Variants in PCDHA10 observed in about 807,000 individuals in gnomAD.
The protein encoded by PCDHA10 is protocadherin alpha 10, also known as protocadherin alpha-10.
A neutral mutation model predicts 61.2 loss-of-function variants in PCDHA10; 45 were observed. That is an observed-to-expected ratio of 0.74 (90% CI 0.58 to 0.94). The LOEUF is 0.94. PCDHA10 is among the 40% of genes least tolerant of loss of function. The probability of loss-of-function intolerance (pLI) is 0.00; values close to 1 mark genes in which losing one functional copy is unlikely to be tolerated. For synonymous variants in PCDHA10, 602 were observed against 548.8 expected (o/e 1.10, Z -1.35); for missense variants, 1,278 against 1,236.2 (o/e 1.03, Z -0.51).
At chr5:140,883,675 G>T (rs782140381) in intron 1 of PCDHA10, 5 of 1,613,894 alleles carry the variant, frequency 3.1e-6, no homozygotes, top group Non-Finnish European at 4.2e-6. Context: ...AAAACAATCC[G>T]CCGGGCTGCC....
chr5:140,867,119 A>C (rs2049767402), intron 1 of PCDHA10: 1 of 152,142 alleles, frequency 6.6e-6, no homozygotes, highest in Admixed American at 6.5e-5. Context: ...ATATTGTTTT[A>C]ATTCAAATAT....
At chr5:140,887,101 CTT>C (rs200717289) in intron 1 of PCDHA10, among the ~76,000 whole-genome samples, 4 of 145,262 alleles carry the variant, frequency 2.8e-5, no homozygotes, top group African/African-American at 5.0e-5. Flanking sequence ...ATCTTTATCT[CTT>C]TTTTTTTTTT....
intron 1 of PCDHA10, chr5:140,927,529 C>A: frequency 6.2e-7 from 1 of 1,614,098 alleles, no homozygotes; most frequent in South Asian, 1.1e-5. Flanking sequence ...GCTACCTGCC[C>A]GCTCAGGAGA....
chr5:140,927,802 A>G (rs782489417), intron 1 of PCDHA10: 1 of 1,614,030 alleles, frequency 6.2e-7, no homozygotes, highest in African/African-American at 1.3e-5. Flanking sequence ...TCCGCCTGAA[A>G]CGCTCTTGGA....
intron 1 of PCDHA10, among the ~76,000 whole-genome samples, chr5:140,947,805 G>T (rs1474604810): frequency 6.6e-6 from 1 of 151,504 alleles, no homozygotes; most frequent in Non-Finnish European, 1.5e-5. Flanking sequence ...TTAATTTGCA[G>T]AGACTATTTC....
intron 1 of PCDHA10, chr5:140,871,461 A>C: frequency 1.2e-6 from 2 of 1,605,278 alleles, no homozygotes; most frequent in South Asian, 2.2e-5. Flanking sequence ...AGGAAGGGGA[A>C]AGACAGGAGC....
chr5:140,870,198 C>A, intron 1 of PCDHA10: 2 of 1,614,172 alleles, frequency 1.2e-6, no homozygotes, highest in Non-Finnish European at 1.7e-6. Flanking sequence ...CTCAGCCCAG[C>A]ACGGTCATTG....
intron 3 of PCDHA10, among the ~76,000 whole-genome samples, chr5:140,987,604 T>G (rs2097261353): frequency 6.6e-6 from 1 of 152,222 alleles, no homozygotes; most frequent in Admixed American, 6.5e-5. Context: ...GTCTACCTTA[T>G]AGGGTTCTTG....
intron 3 of PCDHA10, among the ~76,000 whole-genome samples, chr5:141,000,385 CTCTCTCTCTCTATATA>C (rs1454405199): frequency 1.1e-4 from 7 of 64,984 alleles, no homozygotes; most frequent in African/African-American, 4.8e-4. Flanking sequence ...CTCTCTCTCT[CTCTCTCTCTCTATATA>C]TATATATATA....
At chr5:140,980,684 G>GA (rs782726576) in intron 2 of PCDHA10, among the ~76,000 whole-genome samples, 3,276 of 145,132 alleles carry the variant, frequency 0.023, 40 homozygotes, top group Middle Eastern at 0.066. Flanking sequence ...TTTTCAAATT[G>GA]AAAAAAAAAA....
rs370105926 is a variant in PCDHA10, at chr5:140,856,826, G to A, written c.778G>A (p.Val260Ile). 3.8e-6 allele frequency: 6 copies of A among 1,592,454 alleles called. No homozygotes were observed. Among genetic ancestry groups the A allele is most frequent in the Non-Finnish European group, 4.3e-6 (5 of 1,162,716 alleles). The change falls in exon 1 of 4, where the codon GTA (valine) becomes ATA (isoleucine). Residue 260 changes from valine (V) to isoleucine (I), a missense_variant. Physicochemically the swap from Val to Ile is conservative, Grantham distance 29. Transcript: ENST00000307360. ...MYENQVNQTL[V>I]IRLNASDSDE... ...TGAAAATCAAGTGAACCAAACATTA[G>A]TAATACGGCTCAACGCTTCTGATTC...
chr5:140,876,283 G>T, intron 1 of PCDHA10: 1 of 1,614,056 alleles, frequency 6.2e-7, no homozygotes, highest in Non-Finnish European at 8.5e-7. Context: ...CGATCCAGAC[G>T]AAGGACTTAA....
At chr5:140,975,174 T>C (rs1470598627) in intron 1 of PCDHA10, among the ~76,000 whole-genome samples, 1 of 152,208 alleles carries the variant, frequency 6.6e-6, no homozygotes, top group Non-Finnish European at 1.5e-5. Context: ...GACTCAGGAC[T>C]CTTGTCCCAT....
intron 1 of PCDHA10, among the ~76,000 whole-genome samples, chr5:140,936,024 C>T (rs536876826): frequency 1.4e-4 from 22 of 151,890 alleles, no homozygotes; most frequent in African/African-American, 4.6e-4. Flanking sequence ...TCCCGAGTAG[C>T]GGGGATTACA....
At chr5:140,875,457 G>T in intron 1 of PCDHA10, 3 of 1,595,968 alleles carry the variant, frequency 1.9e-6, no homozygotes, top group Non-Finnish European at 2.6e-6. Flanking sequence ...CAACTCAGAG[G>T]CCCTCATTTT....
intron 1 of PCDHA10, among the ~76,000 whole-genome samples, chr5:140,880,163 AGAAGTTAAACAT>A (rs2058253523): frequency 6.6e-6 from 1 of 152,260 alleles, no homozygotes; most frequent in Admixed American, 6.5e-5. Flanking sequence ...AGTATATGTT[AGAAGTTAAACAT>A]GAAGGGAAAA....
At chr5:140,929,153 A>T in intron 1 of PCDHA10, 1 of 1,614,164 alleles carries the variant, frequency 6.2e-7, no homozygotes, top group African/African-American at 1.3e-5. Context: ...TCTCAGACTT[A>T]TCTCTATCGG....
chr5:140,938,293 C>G (rs896897734), intron 1 of PCDHA10, among the ~76,000 whole-genome samples: 1 of 152,110 alleles, frequency 6.6e-6, no homozygotes, highest in African/African-American at 2.4e-5. Flanking sequence ...CTGTCATTGC[C>G]TATGAAATTC....
chr5:140,866,633 G>A (rs900221819), intron 1 of PCDHA10: 71 of 152,170 alleles, frequency 4.7e-4, no homozygotes, highest in African/African-American at 1.6e-3. Flanking sequence ...TTCTGACAAC[G>A]GTGTCAAAAT....
Sources: allele counts gnomAD v4.1 joint callset (sites outside exome capture counted in the v4.1 genomes callset), GRCh38; gene constraint gnomAD v4.1.1; transcripts MANE v1.5; gene names NCBI Gene and HGNC (gene_info 2026-07-23, HGNC 2026-07-21).